WNT5A: variants seen among roughly 807,000 people sequenced by gnomAD.
WNT5A encodes Wnt family member 5A, also known as protein Wnt-5a.
WNT5A carries 9 observed loss-of-function variants against 42.1 expected under a neutral mutation model. The ratio of observed to expected loss-of-function variants is 0.21; its 90% confidence interval spans 0.13 to 0.37. The LOEUF (loss-of-function observed/expected upper bound fraction) is 0.37. Ranked by LOEUF, WNT5A falls within the 10% of genes least tolerant of loss-of-function variation. WNT5A has a pLI of 1.00. For missense variants in WNT5A, 426 were observed against 534.0 expected, an observed-to-expected ratio of 0.80 and a Z score of 1.99; for synonymous variants, 210 against 210.0, an observed-to-expected ratio of 1.00 and a Z score of 0.00.
rs574807110 is a variant in WNT5A, at chr3:55,480,394, G to A, written c.140+391C>T. Reference sequence around the variant, plus strand: ...AACTCTGTAGGTTAATAATAATCTCGAGTAACAGAAGATAAAGGCTGAAAC... The same window carrying A: ...AACTCTGTAGGTTAATAATAATCTCAAGTAACAGAAGATAAAGGCTGAAAC... On this transcript the variant is annotated intron_variant, in intron 2 of 4. Coordinates refer to ENST00000264634, the MANE Select transcript of WNT5A (RefSeq NM_003392.7). 3.9e-5 allele frequency among the ~76,000 whole-genome samples: 6 copies of A among 152,262 alleles called. No homozygotes were observed. In the South Asian group the frequency reaches 1.2e-3, roughly 32 times the overall value.
chr3:55,473,352 C>A (rs977574797), intron 4 of WNT5A, among the ~76,000 whole-genome samples: 1 of 152,180 alleles, frequency 6.6e-6, no homozygotes, highest in African/African-American at 2.4e-5. Context: ...CTGGCACCTA[C>A]CTTGGGTTCT....
At chr3:55,485,524 G>T (rs372797186) in intron 1 of WNT5A, among the ~76,000 whole-genome samples, 2 of 152,120 alleles carry the variant, frequency 1.3e-5, no homozygotes, top group South Asian at 4.2e-4. Flanking sequence ...CGCAGCCAAG[G>T]ATCCACACAC....
chr3:55,481,526 C>G, intron 1 of WNT5A: 1 of 430,256 alleles, frequency 2.3e-6, no homozygotes, highest in Non-Finnish European at 3.1e-6. Flanking sequence ...GCGAGAGTGC[C>G]CAGCTGGGAA....
At chr3:55,473,857 T>A (rs1218240660) in intron 4 of WNT5A, among the ~76,000 whole-genome samples, 7 of 152,124 alleles carry the variant, frequency 4.6e-5, no homozygotes, top group Non-Finnish European at 1.0e-4. Flanking sequence ...ACAGACATCG[T>A]CCAGGCAGGA....
chr3:55,480,612 A>G (rs759575418), intron 2 of WNT5A, among the ~76,000 whole-genome samples, 173 bp downstream of exon 2: 6 of 152,234 alleles, frequency 3.9e-5, no homozygotes, highest in Non-Finnish European at 7.3e-5. Context: ...TTACAATATT[A>G]ACAAGTTAAA....
In WNT5A at chr3:55,480,936, G is replaced by A. The variant is rs2051448661; in HGVS notation, c.7-18C>T. 6.7e-7 allele frequency: 1 copy of A among 1,490,170 alleles called. No homozygotes were observed. The highest frequency in any genetic ancestry group is 1.4e-5 in the African/African-American group (1 of 71,026). 92.3% of individuals were successfully genotyped at this position (1,490,170 alleles called of 1,614,324 possible). A position where few individuals can be genotyped will look rare whatever the true frequency, so the allele number is the denominator to read the frequency against. ...ATGGACTTCTGGAGAGGGAAGAAAG[G>A]AGCAGATGTTTATTGCCTCTCAGAT... On this transcript the variant is annotated intron_variant, in intron 1 of 4. Coordinates refer to ENST00000264634, the MANE Select transcript of WNT5A (RefSeq NM_003392.7).
chr3:55,494,658 C>T (rs2051696214), upstream of WNT5A, among the ~76,000 whole-genome samples: 1 of 152,158 alleles, frequency 6.6e-6, no homozygotes, highest in African/African-American at 2.4e-5. Context: ...CCTGCCTCAG[C>T]CTCCCAAGTA....
chr3:55,470,041 T>C lies in WNT5A; in HGVS notation c.*51A>G, dbSNP rs750243237. 3 of 1,608,876 alleles carry C rather than the reference T, an allele frequency of 1.9e-6. No homozygotes were observed. Among genetic ancestry groups the C allele is most frequent in the South Asian group, 1.1e-5 (1 of 90,830 alleles). Reference sequence around the variant, plus strand: ...ACCAAAAACCAGAATCACTGTACTTTCTATAAATAAGCGGGTCCTGGGAGC... The same window carrying C: ...ACCAAAAACCAGAATCACTGTACTTCCTATAAATAAGCGGGTCCTGGGAGC... On this transcript the variant is annotated 3_prime_UTR_variant, in exon 5 of 5. Coordinates refer to ENST00000264634, the MANE Select transcript of WNT5A (RefSeq NM_003392.7).
At chr3:55,497,056 T>A in the WNT5A span, among the ~76,000 whole-genome samples, 1 of 152,216 alleles carries the variant, frequency 6.6e-6, no homozygotes, top group South Asian at 2.1e-4. Context: ...ATTTGTCGAA[T>A]TAGTATTGTA....
chr3:55,473,626 T>A (rs181783778), intron 4 of WNT5A, among the ~76,000 whole-genome samples: 4 of 152,242 alleles, frequency 2.6e-5, no homozygotes, highest in Non-Finnish European at 5.9e-5. Context: ...ATTGGCCTGA[T>A]GGTCAGACCT....
chr3:55,486,992 G>T lies in WNT5A; in HGVS notation c.-7C>A. ...ACTGAACACCTACCTTCATGGCGAG[G>T]GGGAGGGGGCGCGGGGAGGAAGTCG... On this transcript the variant is annotated 5_prime_UTR_variant, in exon 1 of 5. Transcript: ENST00000264634. The T allele has an allele frequency of 6.2e-7, 1 of 1,611,682 alleles. No individual in the cohort carries two copies. The highest frequency in any genetic ancestry group is 1.1e-5 in the South Asian group (1 of 90,960).
chr3:55,474,607 T>G lies in WNT5A; in HGVS notation c.414A>C (p.Thr138=), dbSNP rs1476276292. 2 of 1,438,244 alleles carry G rather than the reference T, an allele frequency of 1.4e-6. No individual in the cohort carries two copies. The highest frequency in any genetic ancestry group is 9.1e-7 in the Non-Finnish European group (1 of 1,100,318). 89.1% of individuals were successfully genotyped at this position (1,438,244 alleles called of 1,614,324 possible). A position where few individuals can be genotyped will look rare whatever the true frequency, so the allele number is the denominator to read the frequency against. The part of the protein sequence containing the change: ...MQIGSRETAF[T]YAVSAAGVVN... The stretch of plus-strand genomic sequence containing the variant: ...CCACCCCTGCTGCGCTCACCGCGTA[T>G]GTGAAGGCCGTCTCGCGGCTGCCTG... The change falls in exon 4 of 5, where the codon ACA becomes ACC. Residue 138 remains threonine, a synonymous_variant. Coordinates refer to ENST00000264634, the MANE Select transcript of WNT5A (RefSeq NM_003392.7).
chr3:55,494,531 T>C (rs2051694379), upstream of WNT5A, among the ~76,000 whole-genome samples: 1 of 152,128 alleles, frequency 6.6e-6, no homozygotes, highest in Admixed American at 6.5e-5. Context: ...AATTGTGGTT[T>C]TTGCCATTAC....
intron 1 of WNT5A, among the ~76,000 whole-genome samples, chr3:55,481,590 G>T (rs1212871289): frequency 5.3e-5 from 8 of 152,162 alleles, no homozygotes; most frequent in Non-Finnish European, 1.2e-4. Context: ...GAGCCGATGT[G>T]GGGAAAGCCA....
intron 1 of WNT5A, 110 bp downstream of exon 1, chr3:55,486,870 A>T: frequency 2.5e-6 from 2 of 806,510 alleles, no homozygotes; most frequent in Non-Finnish European, 4.3e-6. Context: ...CAGCTTCTTC[A>T]GGCGGTTGGG....
intron 4 of WNT5A, 127 bp downstream of exon 4, chr3:55,474,206 GAGAT>G (rs2106913349): frequency 9.0e-7 from 1 of 1,115,054 alleles, no homozygotes; most frequent in East Asian, 2.6e-5. Flanking sequence ...GAGAAGCAGA[GAGAT>G]AGAGACAGGA....
rs2051151586 is a variant in WNT5A, at chr3:55,466,805, C to T, written c.*3287G>A. The stretch of plus-strand genomic sequence containing the variant: ...GGAAAAACTGAAACAGATGTGAGTC[C>T]TAGAACCACAAGAGTTTGAATTTGC... On this transcript the variant is annotated 3_prime_UTR_variant, in exon 5 of 5. Coordinates refer to ENST00000264634, the MANE Select transcript of WNT5A (RefSeq NM_003392.7). 6.6e-6 allele frequency: 1 copy of T among 152,552 alleles called. No individual in the cohort carries two copies. The highest frequency in any genetic ancestry group is 6.5e-5 in the Admixed American group (1 of 15,286). The allele number at this position is 152,552 out of a possible 1,614,324, so 9.4% of individuals were successfully genotyped here.
chr3:55,504,891 A>G, the WNT5A span, among the ~76,000 whole-genome samples: 2 of 152,122 alleles, frequency 1.3e-5, no homozygotes, highest in Non-Finnish European at 2.9e-5. Context: ...AAGAATCCCA[A>G]CTCCTAACCC....
In WNT5A at chr3:55,469,889, CCCA is replaced by C. The variant is rs1163853589; in HGVS notation, c.*200_*202del. The C allele has an allele frequency of 9.4e-6, 5 of 532,232 alleles. No homozygotes were observed. Among genetic ancestry groups the C allele is most frequent in the Non-Finnish European group, 1.6e-5 (5 of 309,724 alleles). 33.0% of individuals were successfully genotyped at this position (532,232 alleles called of 1,614,324 possible). A position where few individuals can be genotyped will look rare whatever the true frequency, so the allele number is the denominator to read the frequency against. Reference sequence around the variant, plus strand: ...CACAAAATAAATATTTTTCTTGGTTCCCACCCCCATTATTGCCAAATAATAATT... The same window carrying C: ...CACAAAATAAATATTTTTCTTGGTTCCCCCCATTATTGCCAAATAATAATT... On this transcript the variant is annotated 3_prime_UTR_variant, in exon 5 of 5. Coordinates refer to ENST00000264634, the MANE Select transcript of WNT5A (RefSeq NM_003392.7).
Sources: gnomAD v4.1 joint callset for allele counts (sites outside exome capture counted in the v4.1 genomes callset) on GRCh38, gnomAD v4.1.1 for gene constraint, MANE v1.5 for transcripts, NCBI Gene and HGNC (gene_info 2026-07-23, HGNC 2026-07-21) for gene names.